The following DAB2IP variants were observed in gnomAD, a reference collection of about 807,000 sequenced individuals.
DAB2IP encodes disabled homolog 2-interacting protein.
A neutral mutation model predicts 107.2 loss-of-function variants in DAB2IP; 28 were observed. The observed-to-expected ratio is 0.26, with a 90% CI of 0.19 to 0.36. The LOEUF (loss-of-function observed/expected upper bound fraction) is 0.36, where lower values mean the gene tolerates loss of function less well. Ranked by LOEUF, DAB2IP falls within the 10% of genes least tolerant of loss-of-function variation. The pLI is 1.00. For missense variants in DAB2IP, 1,400 were observed against 1,644.7 expected, an observed-to-expected ratio of 0.85 and a Z score of 2.57; for synonymous variants, 755 against 706.4, an observed-to-expected ratio of 1.07 and a Z score of -1.09.
At chr9:121,623,136 T>G (rs1831532121) in intron 1 of DAB2IP, among the ~76,000 whole-genome samples, 1 of 152,172 alleles carries the variant, frequency 6.6e-6, no homozygotes, top group Admixed American at 6.5e-5. Flanking sequence ...TGACATTGGC[T>G]TGACATGCCT....
At position 121,666,696 on chromosome 9, in the gene DAB2IP, A is replaced by G. The variant is rs566244585; in HGVS notation, c.125-11982A>G. 5.9e-5 allele frequency among the ~76,000 whole-genome samples: 9 copies of G among 152,232 alleles called. No individual in the cohort carries two copies. The East Asian group carries it at 1.7e-3, about 29-fold the overall frequency. On this transcript the variant is annotated intron_variant, in intron 1 of 15. Transcript: ENST00000408936. Reference sequence around the variant, plus strand: ...AGGTTGATGGGTGCAGCAAACCACCATGTCACATGTATACCTATGTAACAA... The same window carrying G: ...AGGTTGATGGGTGCAGCAAACCACCGTGTCACATGTATACCTATGTAACAA...
intron 1 of DAB2IP, among the ~76,000 whole-genome samples, chr9:121,594,300 C>A (rs7871183): frequency 6.8e-6 from 1 of 146,812 alleles, no homozygotes; most frequent in African/African-American, 2.5e-5. Flanking sequence ...GCAAATGGTG[C>A]GATCTTGGCT....
chr9:121,703,988 G>A (rs531363658), intron 3 of DAB2IP, among the ~76,000 whole-genome samples: 1 of 152,228 alleles, frequency 6.6e-6, no homozygotes, highest in Non-Finnish European at 1.5e-5. Flanking sequence ...ACCTGGGAAA[G>A]CAAAGCTCTC....
intron 1 of DAB2IP, among the ~76,000 whole-genome samples, chr9:121,637,888 G>T (rs1408274015): frequency 1.3e-5 from 2 of 152,144 alleles, no homozygotes; most frequent in Non-Finnish European, 2.9e-5. Flanking sequence ...TTTGGGGTGG[G>T]GGCGGAAGGC....
In DAB2IP at chr9:121,570,135, G is replaced by A. The variant is rs553337545; in HGVS notation, c.40+2907G>A. Among the ~76,000 whole-genome samples, 5 of 139,894 alleles carry A rather than the reference G, an allele frequency of 3.6e-5. No homozygotes were observed. In the South Asian group the frequency reaches 1.2e-3, roughly 33 times the overall value. The allele number at this position is 139,894 out of a possible 152,430, so 91.8% of individuals were successfully genotyped here. ...TTTTTTTTTTTTTTTTTTTTGAGAT[G>A]GGGTCTTACTCTGTCATCCAGGCTG... On this transcript the variant is annotated intron_variant, in intron 1 of 16. Transcript: ENST00000259371.
chr9:121,652,307 C>G (rs1026891426), intron 1 of DAB2IP, among the ~76,000 whole-genome samples: 1 of 152,170 alleles, frequency 6.6e-6, no homozygotes, highest in Non-Finnish European at 1.5e-5. Context: ...TTAACGGGCT[C>G]CCCACCTCTT....
chr9:121,744,171 A>G (rs1204247360), intron 3 of DAB2IP, among the ~76,000 whole-genome samples: 1 of 152,096 alleles, frequency 6.6e-6, no homozygotes. Context: ...TTTGGGGGCC[A>G]TGGTATCTCT....
intron 3 of DAB2IP, among the ~76,000 whole-genome samples, chr9:121,708,675 G>A (rs1180298925): frequency 6.6e-6 from 1 of 152,228 alleles, no homozygotes; most frequent in Non-Finnish European, 1.5e-5. Context: ...TGCAGGTGGG[G>A]AAACTGAGGT....
chr9:121,699,697 G>T lies in DAB2IP; in HGVS notation c.362+239G>T, dbSNP rs556580846. Among the ~76,000 whole-genome samples, 7 of 152,168 alleles carry T rather than the reference G, an allele frequency of 4.6e-5. No individual in the cohort carries two copies. Among genetic ancestry groups the T allele is most frequent in the Non-Finnish European group, 8.8e-5 (6 of 67,956 alleles). On this transcript the variant is annotated intron_variant, in intron 3 of 15. Coordinates refer to ENST00000408936, the Ensembl canonical transcript of DAB2IP. The surrounding 1 kb of genome is among the most constrained non-coding windows in gnomAD (Gnocchi z 6.2). ...GAGAGGAGAGCAGAGGGTGCCCGCG[G>T]CGGCCCGGGCGAGGCCGGGCGCGAA...
rs1830616470 is a variant in DAB2IP at position 121,599,467 on chromosome 9, G to A, written c.40+32239G>A. Among the ~76,000 whole-genome samples the A allele has an allele frequency of 6.6e-6, 1 of 152,028 alleles. No homozygotes were observed. Among genetic ancestry groups the A allele is most frequent in the Non-Finnish European group, 1.5e-5 (1 of 67,964 alleles). On this transcript the variant is annotated intron_variant, in intron 1 of 16. Coordinates refer to the DAB2IP transcript ENST00000259371. The surrounding 1 kb of genome is among the most constrained non-coding windows in gnomAD (Gnocchi z 6.9). The stretch of plus-strand genomic sequence containing the variant: ...CGCTGGGTCCCGGGCCTGGCGGGCG[G>A]AGCTGTGGGCGGCTGGGCCTGCGAT...
At chr9:121,643,128 A>G (rs527974163) in intron 1 of DAB2IP, among the ~76,000 whole-genome samples, 2 of 152,216 alleles carry the variant, frequency 1.3e-5, no homozygotes, top group South Asian at 4.2e-4. Flanking sequence ...TTTTAAGAAT[A>G]TAGATTCCTT....
intron 3 of DAB2IP, among the ~76,000 whole-genome samples, chr9:121,727,586 C>T (rs567296570): frequency 9.2e-5 from 14 of 152,194 alleles, no homozygotes; most frequent in Non-Finnish European, 1.6e-4. Flanking sequence ...GCCTGTTTGG[C>T]GGAGCAAGAA....
intron 3 of DAB2IP, among the ~76,000 whole-genome samples, chr9:121,727,019 C>T (rs189643414): frequency 6.6e-6 from 1 of 152,132 alleles, no homozygotes; most frequent in East Asian, 1.9e-4. Flanking sequence ...GTGGGGTGGT[C>T]TCTCAAAAAT....
At position 121,662,986 on chromosome 9, in the gene DAB2IP, A is replaced by G. The variant is rs1833269212; in HGVS notation, c.124+11087A>G. On this transcript the variant is annotated intron_variant, in intron 1 of 15. Coordinates refer to ENST00000408936, the Ensembl canonical transcript of DAB2IP. This position sits in a 1 kb window ranked among gnomAD's most constrained non-coding sequence, Gnocchi z 4.6. Reference sequence around the variant, plus strand: ...TGACACTGCCGACTCAAATTACTAGAAATCCTCAGAAAGTAAAAAAGGAAA... The same window carrying G: ...TGACACTGCCGACTCAAATTACTAGGAATCCTCAGAAAGTAAAAAAGGAAA... Among the ~76,000 whole-genome samples the G allele has an allele frequency of 2.0e-5, 3 of 152,226 alleles. No homozygotes were observed. The highest frequency in any genetic ancestry group is 7.2e-5 in the African/African-American group (3 of 41,460).
chr9:121,699,189 C>CT lies in DAB2IP; in HGVS notation c.229-135dup. ...GGCGGGCGGCGCGGGCCGCGAGCTGCTGGGGCCGAGCCCGAGCCCGGCCCG... is the reference window on the plus strand; with the variant it reads ...GGCGGGCGGCGCGGGCCGCGAGCTGCTTGGGGCCGAGCCCGAGCCCGGCCCG... On this transcript the variant is annotated intron_variant, in intron 2 of 15. Coordinates refer to ENST00000408936, the Ensembl canonical transcript of DAB2IP. The surrounding 1 kb of genome is among the most constrained non-coding windows in gnomAD (Gnocchi z 6.2). The CT allele has an allele frequency of 2.1e-6, 2 of 953,930 alleles. No individual in the cohort carries two copies. Among genetic ancestry groups the CT allele is most frequent in the African/African-American group, 3.6e-5 (2 of 55,998 alleles). 59.1% of individuals were successfully genotyped at this position (953,930 alleles called of 1,614,324 possible).
At chr9:121,641,960 TTC>T (rs72270529) in intron 1 of DAB2IP, among the ~76,000 whole-genome samples, 46,161 of 107,980 alleles carry the variant, frequency 0.43, 10,607 homozygotes, top group African/African-American at 0.51. Context: ...CTTTCTTTCT[TTC>T]TCTCTCTCTC....
intron 9 of DAB2IP, 120 bp downstream of exon 9, chr9:121,766,850 C>T (rs1334821143): frequency 1.6e-5 from 16 of 980,496 alleles, no homozygotes; most frequent in Non-Finnish European, 1.7e-5. Context: ...GGTTTTGTCC[C>T]TGTCATCCTC....
At chr9:121,623,615 C>T (rs967829500) in intron 1 of DAB2IP, among the ~76,000 whole-genome samples, 3 of 152,172 alleles carry the variant, frequency 2.0e-5, no homozygotes, top group African/African-American at 7.2e-5. Context: ...GCGGTCCACC[C>T]ACCTGGCCTC....
chr9:121,722,542 T>C (rs554977192), intron 3 of DAB2IP, among the ~76,000 whole-genome samples: 1 of 152,298 alleles, frequency 6.6e-6, no homozygotes, highest in South Asian at 2.1e-4. Context: ...GAAACTTTCA[T>C]TGAGCCCCTG....
Sources: allele counts gnomAD v4.1 joint callset (sites outside exome capture counted in the v4.1 genomes callset), GRCh38; gene constraint gnomAD v4.1.1; non-coding constraint Gnocchi (gnomAD v3.1); transcripts MANE v1.5; gene names NCBI Gene and HGNC (gene_info 2026-07-23, HGNC 2026-07-21).